The following AATK variants were observed in gnomAD, a reference collection of about 807,000 sequenced individuals.
AATK encodes the protein serine/threonine-protein kinase LMTK1.
A neutral mutation model predicts 114.3 loss-of-function variants in AATK; 91 were observed. The observed-to-expected ratio is 0.80, with a 90% CI of 0.67 to 0.95. AATK has a LOEUF of 0.95. Among genes scored for constraint, AATK ranks in the 40% least tolerant of loss-of-function variants. The pLI is 0.00. For missense variants in AATK, 2,176 were observed against 1,965.2 expected, an observed-to-expected ratio of 1.11 and a Z score of -2.03; for synonymous variants, 1,075 against 916.5, an observed-to-expected ratio of 1.17 and a Z score of -3.12.
At position 81,121,883 on chromosome 17, in the gene AATK, T is replaced by G; in HGVS notation, c.2053A>C (p.Asn685His). The G allele has an allele frequency of 6.2e-7, 1 of 1,600,064 alleles. No individual in the cohort carries two copies. The highest frequency in any genetic ancestry group is 8.5e-7 in the Non-Finnish European group (1 of 1,179,104). ...RGHWRSNVSANNNSGSRCPES... is the reference protein window; with the variant it reads ...RGHWRSNVSAHNNSGSRCPES... The stretch of plus-strand genomic sequence containing the variant: ...GGACAGCGGCTGCCGCTGTTGTTGT[T>G]GGCTGACACGTTGGAGCGCCAGTGC... Residue 685 changes from asparagine to histidine, a missense_variant, in exon 11 of 14, where the codon AAC becomes CAC. This residue lies in a region of AATK where 1,701 missense variants were observed against 1,394.7 expected (regional missense o/e 1.22). Transcript: ENST00000326724.
At chr17:81,128,992 T>C in intron 3 of AATK, 1 of 933,170 alleles carries the variant, frequency 1.1e-6, no homozygotes, top group Non-Finnish European at 1.3e-6. Flanking sequence ...GGCTCCTTTG[T>C]TGGGGGCTGC....
At chr17:81,123,638 A>G (rs1308621350) in intron 9 of AATK, among the ~76,000 whole-genome samples, 1 of 151,470 alleles carries the variant, frequency 6.6e-6, no homozygotes, top group Admixed American at 6.6e-5. Context: ...TGAAGACCAG[A>G]CACTGCCCGG....
rs376569170 is a variant in AATK at position 81,119,560 on chromosome 17, C to T, written c.3904G>A (p.Asp1302Asn). 5.1e-6 allele frequency: 8 copies of T among 1,576,368 alleles called. No individual in the cohort carries two copies. The highest frequency in any genetic ancestry group is 1.7e-4 in the Middle Eastern group (1 of 5,806). ...AEEGGGFAWD[D>N]DFPLMTAKAA... is the part of the protein sequence containing the mutation. ...TTGGCCGTCATCAGCGGGAAGTCGT[C>T]GTCCCACGCGAACCCACCACCTGCA... The change falls in exon 13 of 14, where the codon GAC becomes AAC. Residue 1302 changes from aspartate to asparagine, a missense_variant. By Grantham distance (23) the Asp-to-Asn change is conservative (BLOSUM62 1). Transcript: ENST00000326724.
chr17:81,156,435 G>C (rs1026403581), intron 1 of AATK, among the ~76,000 whole-genome samples: 2 of 151,984 alleles, frequency 1.3e-5, no homozygotes, highest in African/African-American at 2.4e-5. Context: ...GTCTTGCTCT[G>C]TCGCCCAGGC....
In AATK at chr17:81,124,911, C is replaced by T. The variant is rs1484317906; in HGVS notation, c.840+19G>A. 2 of 1,557,022 alleles carry T rather than the reference C, an allele frequency of 1.3e-6. No homozygotes were observed. Among genetic ancestry groups the T allele is most frequent in the Admixed American group, 3.8e-5 (2 of 53,020 alleles). ...GCCCTGCCCCTCATGCCCAGCCCAG[C>T]CCACCCCACCCCACTCACTCTGTAC... On this transcript the variant is annotated intron_variant, in intron 8 of 13. Coordinates refer to ENST00000326724, the MANE Select transcript of AATK (RefSeq NM_001080395.3).
intron 1 of AATK, among the ~76,000 whole-genome samples, chr17:81,135,580 T>C (rs546461245): frequency 1.3e-5 from 2 of 152,204 alleles, no homozygotes; most frequent in East Asian, 3.9e-4. Flanking sequence ...TTGTCATCTC[T>C]ACCCCACTGG....
rs767696896 is a variant in AATK, at chr17:81,121,872, G to A, written c.2064C>T (p.Ser688=). 14 of 1,598,642 alleles carry A rather than the reference G, an allele frequency of 8.8e-6. No homozygotes were observed. The highest frequency in any genetic ancestry group is 1.1e-5 in the South Asian group (1 of 90,774). ...WRSNVSANNN[S]GSRCPESWDP... is the part of the protein sequence containing the mutation. The stretch of plus-strand genomic sequence containing the variant: ...CCCAGGACTCTGGACAGCGGCTGCC[G>A]CTGTTGTTGTTGGCTGACACGTTGG... Residue 688 remains serine, a synonymous_variant, in exon 11 of 14, where the codon AGC becomes AGT. Transcript: ENST00000326724.
chr17:81,120,142 C>A, intron 11 of AATK, 59 bp from the exon 12 acceptor site: 2 of 1,510,448 alleles, frequency 1.3e-6, no homozygotes, highest in Non-Finnish European at 1.8e-6. Flanking sequence ...CCGCTCCCAC[C>A]CCTTCCTGCG....
chr17:81,127,407 G>A (rs1343270254), intron 6 of AATK, among the ~76,000 whole-genome samples, 176 bp downstream of exon 6: 1 of 152,096 alleles, frequency 6.6e-6, no homozygotes, highest in Admixed American at 6.5e-5. Flanking sequence ...GTCCCTCCCT[G>A]GTGAGGCTAG....
In AATK at chr17:81,120,783, G is replaced by A; in HGVS notation, c.3153C>T (p.Gly1051=). The A allele has an allele frequency of 6.4e-7, 1 of 1,567,724 alleles. No homozygotes were observed. The highest frequency in any genetic ancestry group is 1.2e-5 in the South Asian group (1 of 85,498). The stretch of plus-strand genomic sequence containing the variant: ...GCAGTGGGGGCAGCACCTCCCCGGG[G>A]CCAGAGCCTTGTGCCTCCCCGGAAA... ...PGVSGEAQGS[G]PGEVLPPLLQ... The change falls in exon 11 of 14, where the codon GGC becomes GGT. Residue 1051 remains glycine, a synonymous_variant. Coordinates refer to ENST00000326724, the MANE Select transcript of AATK (RefSeq NM_001080395.3).
chr17:81,124,882 G>T (rs763557799), intron 8 of AATK, 34 bp from the exon 9 acceptor site: 4 of 1,578,114 alleles, frequency 2.5e-6, no homozygotes, highest in Middle Eastern at 1.7e-4. Context: ...CCCTGCCGGC[G>T]CAGGCCCTGC....
rs138144727 is a variant in AATK, at chr17:81,141,011, C to A, written c.56-6510G>T. ...AACTGTGGGGCCGTAAGCCGTGGGG[C>A]CCATGAGCCGTGGGGACCGTGGGGA... On this transcript the variant is annotated intron_variant, in intron 1 of 13. Transcript: ENST00000326724. Among the ~76,000 whole-genome samples the A allele has an allele frequency of 1.0e-3, 114 of 112,690 alleles. 1 individual carries two copies. Among genetic ancestry groups the A allele is most frequent in the African/African-American group, 4.1e-3 (109 of 26,808 alleles). 73.9% of individuals were successfully genotyped at this position (112,690 alleles called of 152,430 possible). A position where few individuals can be genotyped will look rare whatever the true frequency, so the allele number is the denominator to read the frequency against.
intron 1 of AATK, among the ~76,000 whole-genome samples, chr17:81,152,763 A>G (rs1219820813): frequency 6.6e-6 from 1 of 152,050 alleles, no homozygotes; most frequent in African/African-American, 2.4e-5. Flanking sequence ...GGATTCTAAT[A>G]TTTAGTATTA....
Position 81,127,514 on chromosome 17 carries a change from G to C in AATK, c.621+69C>G, listed in dbSNP as rs2060859928. ...GGCCCCCAAGGAGGGGGTGGCACCAGACACTGGCAGGGCAAGGGAGGGCCC... is the reference window on the plus strand; with the variant it reads ...GGCCCCCAAGGAGGGGGTGGCACCACACACTGGCAGGGCAAGGGAGGGCCC... On this transcript the variant is annotated intron_variant, in intron 6 of 13. Transcript: ENST00000326724. 1.2e-5 allele frequency: 18 copies of C among 1,472,742 alleles called. No individual in the cohort carries two copies. The South Asian group carries it at 2.2e-4, about 18-fold the overall frequency. The allele number at this position is 1,472,742 out of a possible 1,614,324, so 91.2% of individuals were successfully genotyped here.
rs2060706086 is a variant in AATK at position 81,122,031 on chromosome 17, A to G, written c.1905T>C (p.Cys635=). The part of the protein sequence containing the change: ...EDADWGVAAF[C]PAFFEDPLGT... Reference sequence around the variant, plus strand: ...CCAGTGGGTCCTCGAAGAAGGCAGGACAGAAGGCGGCCACGCCCCAGTCTG... The same window carrying G: ...CCAGTGGGTCCTCGAAGAAGGCAGGGCAGAAGGCGGCCACGCCCCAGTCTG... Residue 635 remains cysteine (C), a synonymous_variant, in exon 11 of 14, where the codon TGT becomes TGC. Transcript: ENST00000326724. 2 of 1,599,636 alleles carry G rather than the reference A, an allele frequency of 1.3e-6. No individual in the cohort carries two copies. The highest frequency in any genetic ancestry group is 1.7e-6 in the Non-Finnish European group (2 of 1,179,116).
Position 81,133,169 on chromosome 17 carries a change from G to A in AATK, c.189+1199C>T, listed in dbSNP as rs746981773. The A allele has an allele frequency of 2.3e-5, 11 of 470,984 alleles. 1 individual carries two copies. The highest frequency in any genetic ancestry group is 1.5e-4 in the South Asian group (10 of 64,812). 29.2% of individuals were successfully genotyped at this position (470,984 alleles called of 1,614,324 possible). A position where few individuals can be genotyped will look rare whatever the true frequency, so the allele number is the denominator to read the frequency against. On this transcript the variant is annotated intron_variant, in intron 2 of 13. Transcript: ENST00000326724. ...CTGGGGCCACAGCTTTGCCCCCCAG[G>A]CACGCAGCTCCTCACTGGTTGATGG...
intron 3 of AATK, among the ~76,000 whole-genome samples, chr17:81,129,250 G>C (rs888592363): frequency 1.3e-5 from 2 of 152,354 alleles, no homozygotes; most frequent in African/African-American, 4.8e-5. Context: ...TCCTTCCAGG[G>C]CCTGGAGACC....
chr17:81,138,539 T>TTC (rs1324317779), intron 1 of AATK, among the ~76,000 whole-genome samples: 1 of 108,270 alleles, frequency 9.2e-6, no homozygotes, highest in African/African-American at 3.8e-5. Context: ...CACATACACG[T>TTC]TCGCGTGCAC....
chr17:81,126,607 C>A lies in AATK; in HGVS notation c.622-47G>T. Reference sequence around the variant, plus strand: ...CAGTCACCAGCAGGCTGGGGGCTGGCCACCCTGGGAGGTCCCCACCTACCT... The same window carrying A: ...CAGTCACCAGCAGGCTGGGGGCTGGACACCCTGGGAGGTCCCCACCTACCT... On this transcript the variant is annotated intron_variant, in intron 6 of 13. Coordinates refer to ENST00000326724, the MANE Select transcript of AATK (RefSeq NM_001080395.3). The surrounding 1 kb of genome is among the most constrained non-coding windows in gnomAD (Gnocchi z 5.1). 6.6e-7 allele frequency: 1 copy of A among 1,516,160 alleles called. No homozygotes were observed. The highest frequency in any genetic ancestry group is 8.9e-7 in the Non-Finnish European group (1 of 1,123,906). The allele number at this position is 1,516,160 out of a possible 1,614,324, so 93.9% of individuals were successfully genotyped here.
Sources: gnomAD v4.1 joint callset for allele counts (sites outside exome capture counted in the v4.1 genomes callset) on GRCh38, gnomAD v4.1.1 for gene constraint, gnomAD v4.1.1 regional missense constraint, Gnocchi (gnomAD v3.1) non-coding constraint, MANE v1.5 for transcripts, NCBI Gene and HGNC (gene_info 2026-07-23, HGNC 2026-07-21) for gene names.